Variants in CCSER1 observed in about 807,000 individuals in gnomAD.
CCSER1 encodes coiled-coil serine rich protein 1, also known as serine-rich coiled-coil domain-containing protein 1.
CCSER1 carries 41 observed loss-of-function variants against 82.0 expected under a neutral mutation model. The observed-to-expected ratio is 0.50, with a 90% CI of 0.39 to 0.65. The LOEUF (loss-of-function observed/expected upper bound fraction) is 0.65. Ranked by LOEUF, CCSER1 falls within the 30% of genes least tolerant of loss-of-function variation. The pLI is 0.00. For missense variants in CCSER1, 1,119 were observed against 1,064.2 expected (o/e 1.05, Z -0.72); for synonymous variants, 414 against 383.9 (o/e 1.08, Z -0.92).
At chr4:90,608,671 A>G (rs1171243627) in intron 5 of CCSER1, among the ~76,000 whole-genome samples, 4 of 152,172 alleles carry the variant, frequency 2.6e-5, no homozygotes, top group African/African-American at 9.7e-5. Context: ...CATAATGTAA[A>G]ATTACACAAA....
rs575986366 is a variant in CCSER1 at position 90,622,680 on chromosome 4, G to T, written c.1725-5345G>T. Among the ~76,000 whole-genome samples, 7 of 152,128 alleles carry T rather than the reference G, an allele frequency of 4.6e-5. No individual in the cohort carries two copies. The East Asian group carries it at 1.4e-3, about 29-fold the overall frequency. ...CCAGTCTATCGTTGATGGACATTTG[G>T]GTTGGTTCCAAGTCTTTGCTATTGT... is the stretch of plus-strand genomic sequence containing the variant. On this transcript the variant is annotated intron_variant, in intron 5 of 10. Coordinates refer to ENST00000509176, the MANE Select transcript of CCSER1 (RefSeq NM_001145065.2).
intron 1 of CCSER1, among the ~76,000 whole-genome samples, chr4:90,197,750 A>G (rs1332202478): frequency 6.6e-6 from 1 of 151,904 alleles, no homozygotes; most frequent in Non-Finnish European, 1.5e-5. Flanking sequence ...ATACAGGGAG[A>G]TAGAGAGTAG....
intron 10 of CCSER1, among the ~76,000 whole-genome samples, chr4:91,279,393 C>T (rs1326263557): frequency 6.6e-6 from 1 of 152,136 alleles, no homozygotes; most frequent in African/African-American, 2.4e-5. Context: ...ATTTGGTGGA[C>T]TTATGGTATC....
At chr4:90,930,689 G>C (rs923448514) in intron 9 of CCSER1, among the ~76,000 whole-genome samples, 16 of 151,528 alleles carry the variant, frequency 1.1e-4, no homozygotes, top group Admixed American at 1.1e-3. Flanking sequence ...GAAACACCAA[G>C]TATAAGCTTG....
intron 10 of CCSER1, among the ~76,000 whole-genome samples, chr4:91,544,769 T>G (rs1761796715): frequency 1.3e-5 from 2 of 152,132 alleles, no homozygotes; most frequent in African/African-American, 4.8e-5. Flanking sequence ...GGGACCCACT[T>G]GAGGCAGTCT....
chr4:91,598,750 T>C lies in CCSER1; in HGVS notation c.2396T>C (p.Leu799Pro). The C allele has an allele frequency of 6.4e-7, 1 of 1,551,596 alleles. No homozygotes were observed. Among genetic ancestry groups the C allele is most frequent in the Non-Finnish European group, 8.7e-7 (1 of 1,146,932 alleles). ...AGTAATTTCCTGAAGGACAAGGAAC[T>C]AGCAGAAGTTATCAAACATTCAAGA... ...CLSNFLKDKE[L>P]AEVIKHSRGT... is the part of the protein sequence containing the mutation. The change falls in exon 11 of 11, where the codon CTA becomes CCA. Residue 799 changes from leucine (L) to proline (P), a missense_variant. By Grantham distance (98) the Leu-to-Pro change is moderately conservative. Coordinates refer to ENST00000509176, the MANE Select transcript of CCSER1 (RefSeq NM_001145065.2).
intron 4 of CCSER1, among the ~76,000 whole-genome samples, chr4:90,460,474 C>T (rs1762756567): frequency 6.6e-6 from 1 of 151,726 alleles, no homozygotes; most frequent in African/African-American, 2.4e-5. Flanking sequence ...ACAAAGTTAC[C>T]AGAATTTGGG....
chr4:90,536,239 A>G (rs1775340047), intron 5 of CCSER1, among the ~76,000 whole-genome samples: 1 of 151,976 alleles, frequency 6.6e-6, no homozygotes. Flanking sequence ...TTGCCGTGTT[A>G]GCCAGGCTGG....
intron 10 of CCSER1, among the ~76,000 whole-genome samples, chr4:91,171,710 A>T (rs1270140490): frequency 6.6e-6 from 1 of 152,076 alleles, no homozygotes; most frequent in Non-Finnish European, 1.5e-5. Context: ...TGTGTATCTC[A>T]TATAAAAGAG....
At chr4:91,084,333 G>T (rs1472166337) in intron 9 of CCSER1, among the ~76,000 whole-genome samples, 1 of 152,120 alleles carries the variant, frequency 6.6e-6, no homozygotes, top group Non-Finnish European at 1.5e-5. Flanking sequence ...GATATGCTGT[G>T]CCTGGCCCTT....
chr4:90,730,608 T>C (rs2149400961), intron 7 of CCSER1, among the ~76,000 whole-genome samples: 1 of 152,256 alleles, frequency 6.6e-6, no homozygotes. Flanking sequence ...ATAAATGTTA[T>C]GATGAAAAGT....
intron 6 of CCSER1, among the ~76,000 whole-genome samples, chr4:90,646,541 CA>C (rs113518200): frequency 6.6e-6 from 1 of 152,008 alleles, no homozygotes. Flanking sequence ...CCCAACCTTG[CA>C]AAAAAATACC....
At chr4:90,899,600 T>C (rs562172912) in intron 8 of CCSER1, among the ~76,000 whole-genome samples, 3 of 152,162 alleles carry the variant, frequency 2.0e-5, no homozygotes, top group Admixed American at 2.0e-4. Context: ...GATATATGGA[T>C]CTTATTATTT....
chr4:90,661,880 A>G (rs1028921078), intron 6 of CCSER1, among the ~76,000 whole-genome samples: 5 of 152,002 alleles, frequency 3.3e-5, no homozygotes, highest in African/African-American at 1.2e-4. Flanking sequence ...TGAAAAAGGC[A>G]GGCATTACTT....
chr4:90,263,930 G>A (rs570248701), intron 1 of CCSER1, among the ~76,000 whole-genome samples: 1 of 152,212 alleles, frequency 6.6e-6, no homozygotes, highest in Middle Eastern at 3.4e-3. Flanking sequence ...ACCCTCACAG[G>A]GGCCATGACT....
intron 1 of CCSER1, among the ~76,000 whole-genome samples, chr4:90,191,299 G>C (rs564489674): frequency 6.6e-6 from 1 of 151,994 alleles, no homozygotes; most frequent in East Asian, 2.0e-4. Context: ...TGAGTATGGG[G>C]GCGGGGGGTA....
chr4:90,249,354 T>G (rs1163785623), intron 1 of CCSER1, among the ~76,000 whole-genome samples: 2 of 152,222 alleles, frequency 1.3e-5, no homozygotes, highest in Non-Finnish European at 2.9e-5. Context: ...GTAATTTACA[T>G]GTTAAACAAG....
intron 3 of CCSER1, among the ~76,000 whole-genome samples, chr4:90,349,129 A>G (rs1389466045): frequency 6.6e-6 from 1 of 152,146 alleles, no homozygotes; most frequent in Non-Finnish European, 1.5e-5. Context: ...GTCAGTCTAT[A>G]TTAGGGAATT....
At chr4:91,342,247 T>G (rs895310965) in intron 10 of CCSER1, among the ~76,000 whole-genome samples, 4 of 152,188 alleles carry the variant, frequency 2.6e-5, no homozygotes, top group Non-Finnish European at 5.9e-5. Flanking sequence ...GTTCACAGTG[T>G]CCCACAGTTA....
Sources: allele counts gnomAD v4.1 joint callset (sites outside exome capture counted in the v4.1 genomes callset), GRCh38; gene constraint gnomAD v4.1.1; transcripts MANE v1.5; gene names NCBI Gene and HGNC (gene_info 2026-07-23, HGNC 2026-07-21).